Variants in XRCC5 observed in about 807,000 individuals in gnomAD.
XRCC5 encodes X-ray repair cross complementing 5, also known as DNA repair protein Ku80.
XRCC5 carries 12 observed loss-of-function variants against 95.7 expected under a neutral mutation model. The observed-to-expected ratio is 0.13, with a 90% CI of 0.08 to 0.20. The LOEUF is 0.20. Among genes scored for constraint, XRCC5 ranks in the 10% least tolerant of loss-of-function variants. The probability of loss-of-function intolerance (pLI) is 1.00; values close to 1 mark genes in which losing one functional copy is unlikely to be tolerated. For missense variants in XRCC5, 595 were observed against 873.9 expected (o/e 0.68, Z 4.02); for synonymous variants, 281 against 290.3 (o/e 0.97, Z 0.33).
intron 16 of XRCC5, among the ~76,000 whole-genome samples, chr2:216,184,802 C>A (rs915635043): frequency 6.6e-6 from 1 of 152,214 alleles, no homozygotes; most frequent in African/African-American, 2.4e-5. Flanking sequence ...ATTTCTGTCT[C>A]CTGGAAATAC....
At chr2:216,187,439 T>G (rs183269303) in intron 16 of XRCC5, among the ~76,000 whole-genome samples, 1 of 150,500 alleles carries the variant, frequency 6.6e-6, no homozygotes, top group Admixed American at 6.6e-5. Flanking sequence ...TTGTTTCTTT[T>G]GAATATTTTT....
intron 6 of XRCC5, among the ~76,000 whole-genome samples, chr2:216,122,680 T>G (rs1028072675): frequency 2.6e-5 from 4 of 151,820 alleles, no homozygotes; most frequent in African/African-American, 9.7e-5. Context: ...CCTATTAAGG[T>G]TTTAGAAAGT....
At chr2:216,141,683 C>G (rs1697175144) in intron 13 of XRCC5, among the ~76,000 whole-genome samples, 1 of 151,834 alleles carries the variant, frequency 6.6e-6, no homozygotes. Flanking sequence ...AAGCACTCTT[C>G]CCGCCTCAGT....
At chr2:216,172,043 G>A (rs1401518685) in intron 16 of XRCC5, among the ~76,000 whole-genome samples, 1 of 152,178 alleles carries the variant, frequency 6.6e-6, no homozygotes, top group East Asian at 1.9e-4. Flanking sequence ...GCACACAGGT[G>A]GTGGGAGGTT....
chr2:216,147,139 G>A (rs960227504), intron 13 of XRCC5, among the ~76,000 whole-genome samples: 2 of 152,132 alleles, frequency 1.3e-5, no homozygotes, highest in Admixed American at 6.6e-5. Flanking sequence ...GCCTCTCTGC[G>A]GAGATAGTAT....
intron 16 of XRCC5, among the ~76,000 whole-genome samples, chr2:216,167,247 TAG>T (rs1466553158): frequency 2.6e-5 from 4 of 152,216 alleles, no homozygotes; most frequent in African/African-American, 9.6e-5. Flanking sequence ...CGTCTCATCC[TAG>T]AGTCTTTTTG....
At chr2:216,160,198 A>G in intron 15 of XRCC5, 37 bp downstream of exon 15, 1 of 1,473,014 alleles carries the variant, frequency 6.8e-7, no homozygotes, top group Non-Finnish European at 9.3e-7. Context: ...CCCCCTTTGC[A>G]GGAAGGTTGG....
intron 14 of XRCC5, among the ~76,000 whole-genome samples, chr2:216,155,222 T>TA (rs1290911946): frequency 9.6e-6 from 1 of 104,338 alleles, no homozygotes; most frequent in Non-Finnish European, 1.8e-5. Flanking sequence ...GGCAACATAG[T>TA]GAGACTCCCA....
chr2:216,192,554 G>T, intron 17 of XRCC5, 85 bp from the exon 18 acceptor site: 2 of 868,920 alleles, frequency 2.3e-6, no homozygotes, highest in South Asian at 4.4e-5. Flanking sequence ...AGGTGATTCA[G>T]ACCAAACTTT....
At chr2:216,158,105 C>G (rs1688881223) in intron 14 of XRCC5, among the ~76,000 whole-genome samples, 2 of 152,150 alleles carry the variant, frequency 1.3e-5, no homozygotes, top group African/African-American at 4.8e-5. Flanking sequence ...CCTAGAACCT[C>G]ATTTTGGAGG....
chr2:216,125,393 C>T (rs1251769629), intron 6 of XRCC5, among the ~76,000 whole-genome samples: 1 of 152,032 alleles, frequency 6.6e-6, no homozygotes, highest in Non-Finnish European at 1.5e-5. Flanking sequence ...GATGGGGTTT[C>T]TCCATGTTGG....
intron 14 of XRCC5, chr2:216,156,662 C>T (rs1241677516): frequency 1.1e-5 from 6 of 549,852 alleles, no homozygotes; most frequent in Non-Finnish European, 2.2e-5. Context: ...GCAAGAGCTT[C>T]ATAACTCACT....
chr2:216,173,075 A>C (rs1689201105), intron 16 of XRCC5, among the ~76,000 whole-genome samples: 1 of 152,044 alleles, frequency 6.6e-6, no homozygotes, highest in Non-Finnish European at 1.5e-5. Flanking sequence ...TTATTTATTT[A>C]TTATATCTTG....
At chr2:216,115,794 G>A (rs1463013728) in intron 2 of XRCC5, among the ~76,000 whole-genome samples, 1 of 146,370 alleles carries the variant, frequency 6.8e-6, no homozygotes, top group African/African-American at 2.5e-5. Context: ...AAATCCTAAT[G>A]TTTCATATTT....
At chr2:216,114,620 A>G (rs1305329947) in intron 2 of XRCC5, among the ~76,000 whole-genome samples, 1 of 152,132 alleles carries the variant, frequency 6.6e-6, no homozygotes, top group Non-Finnish European at 1.5e-5. Flanking sequence ...CAAAGCTGTC[A>G]GGTTATCATC....
chr2:216,181,737 A>G (rs372153673), intron 16 of XRCC5, among the ~76,000 whole-genome samples: 2 of 152,148 alleles, frequency 1.3e-5, no homozygotes, highest in African/African-American at 2.4e-5. Flanking sequence ...GACTTTAATA[A>G]AACAGTGCTT....
chr2:216,127,436 T>C, intron 7 of XRCC5, 100 bp from the exon 8 acceptor site: 2 of 1,354,190 alleles, frequency 1.5e-6, no homozygotes, highest in Non-Finnish European at 2.0e-6. Context: ...GAGTAATTGT[T>C]CTGGATTTTT....
intron 16 of XRCC5, among the ~76,000 whole-genome samples, chr2:216,174,178 T>G (rs1366684268): frequency 6.6e-6 from 1 of 152,208 alleles, no homozygotes; most frequent in African/African-American, 2.4e-5. Flanking sequence ...TTTTGAATTT[T>G]GAGATTGTTT....
At chr2:216,114,145 C>T (rs1696641271) in intron 2 of XRCC5, among the ~76,000 whole-genome samples, 2 of 152,098 alleles carry the variant, frequency 1.3e-5, no homozygotes. Context: ...AGATAAAGTG[C>T]TTAGAATAGT....
Sources: gnomAD v4.1 joint callset for allele counts (sites outside exome capture counted in the v4.1 genomes callset) on GRCh38, gnomAD v4.1.1 for gene constraint, MANE v1.5 for transcripts, NCBI Gene and HGNC (gene_info 2026-07-23, HGNC 2026-07-21) for gene names.